Variants in C6 observed in about 807,000 individuals in gnomAD.
C6 encodes complement component C6.
A neutral mutation model predicts 112.9 loss-of-function variants in C6; 101 were observed. The observed-to-expected ratio is 0.89, with a 90% CI of 0.76 to 1.06. The LOEUF (loss-of-function observed/expected upper bound fraction) is 1.06, where lower values mean the gene tolerates loss of function less well. Ranked by LOEUF, C6 falls within the 50% of genes least tolerant of loss-of-function variation. The pLI is 0.00. For missense variants in C6, 1,202 were observed against 1,104.6 expected (o/e 1.09, Z -1.25); for synonymous variants, 431 against 384.1 (o/e 1.12, Z -1.43).
chr5:41,175,229 C>T (rs918062475), intron 8 of C6, among the ~76,000 whole-genome samples: 7 of 152,172 alleles, frequency 4.6e-5, no homozygotes, highest in Admixed American at 1.3e-4. Flanking sequence ...TCAACCCTGG[C>T]GATCAAAGAA....
At chr5:41,191,501 G>T (rs919932942) in intron 5 of C6, among the ~76,000 whole-genome samples, 18 of 152,130 alleles carry the variant, frequency 1.2e-4, no homozygotes, top group Non-Finnish European at 2.2e-4. Flanking sequence ...ATTGCTTCGG[G>T]CAGTTGAGTC....
intron 9 of C6, among the ~76,000 whole-genome samples, chr5:41,162,138 T>C (rs546556994): frequency 6.6e-6 from 1 of 152,292 alleles, no homozygotes; most frequent in Non-Finnish European, 1.5e-5. Flanking sequence ...ATGACAACCC[T>C]GAGAAGTAGG....
chr5:41,209,719 A>T (rs1204652390), intron 1 of C6, among the ~76,000 whole-genome samples: 2 of 152,250 alleles, frequency 1.3e-5, no homozygotes, highest in East Asian at 3.9e-4. Flanking sequence ...ATAAAAGAGG[A>T]CACAAACAAA....
At chr5:41,232,548 G>A (rs970505698) in intron 1 of C6, among the ~76,000 whole-genome samples, 1 of 152,102 alleles carries the variant, frequency 6.6e-6, no homozygotes, top group East Asian at 1.9e-4. Context: ...TATCCTGTCA[G>A]TCAGAATCAG....
chr5:41,239,115 T>TG (rs1245562887), intron 1 of C6, among the ~76,000 whole-genome samples: 1 of 146,152 alleles, frequency 6.8e-6, no homozygotes, highest in African/African-American at 2.5e-5. Flanking sequence ...TTCTTTCTTT[T>TG]TTTTTTTTTT....
chr5:41,180,200 A>T (rs2150319978), intron 7 of C6, among the ~76,000 whole-genome samples: 1 of 152,298 alleles, frequency 6.6e-6, no homozygotes, highest in South Asian at 2.1e-4. Flanking sequence ...ATACGATAAA[A>T]GTAGGAGCAA....
chr5:41,206,520 GA>G (rs747322534), intron 1 of C6, among the ~76,000 whole-genome samples: 2 of 152,156 alleles, frequency 1.3e-5, no homozygotes, highest in Non-Finnish European at 2.9e-5. Flanking sequence ...ACAGCATAGA[GA>G]AGACCTTAAA....
At chr5:41,222,177 A>AC (rs1184794116) in intron 1 of C6, among the ~76,000 whole-genome samples, 1 of 150,650 alleles carries the variant, frequency 6.6e-6, no homozygotes, top group African/African-American at 2.5e-5. Flanking sequence ...AAAAAAAAAA[A>AC]CAAAAAAAAG....
chr5:41,189,248 A>G (rs1750012254), intron 5 of C6, among the ~76,000 whole-genome samples: 1 of 152,100 alleles, frequency 6.6e-6, no homozygotes, highest in Non-Finnish European at 1.5e-5. Flanking sequence ...TATAATTACC[A>G]TAAGACCCTG....
chr5:41,199,667 G>A, intron 4 of C6, 101 bp downstream of exon 4: 15 of 1,146,396 alleles, frequency 1.3e-5, no homozygotes, highest in Non-Finnish European at 1.9e-5. Flanking sequence ...AAATGTGGTG[G>A]GATTTCTCTG....
intron 4 of C6, among the ~76,000 whole-genome samples, chr5:41,197,736 G>A (rs1750718735): frequency 6.6e-6 from 1 of 152,096 alleles, no homozygotes; most frequent in East Asian, 1.9e-4. Flanking sequence ...CTTGAGGGAT[G>A]TTTAGGAATA....
chr5:41,225,393 G>A (rs972268748), intron 1 of C6, among the ~76,000 whole-genome samples: 10 of 152,094 alleles, frequency 6.6e-5, no homozygotes, highest in African/African-American at 1.7e-4. Context: ...CAAAGGAAAT[G>A]AACTCATCAT....
chr5:41,228,345 C>T (rs11959860), intron 1 of C6, among the ~76,000 whole-genome samples: 1,534 of 152,038 alleles, frequency 0.01, 34 homozygotes, highest in African/African-American at 0.035. Context: ...TTTATTGGTT[C>T]TAATAATATT....
intron 17 of C6, among the ~76,000 whole-genome samples, chr5:41,145,795 G>A (rs1745766436): frequency 6.6e-6 from 1 of 152,248 alleles, no homozygotes. Context: ...GAAAGACAGG[G>A]GACTATTCCA....
intron 1 of C6, among the ~76,000 whole-genome samples, chr5:41,224,121 A>G (rs1039919086): frequency 1.3e-5 from 2 of 152,174 alleles, no homozygotes; most frequent in Admixed American, 6.6e-5. Context: ...ACATTGTGCA[A>G]TGGCTGAATC....
chr5:41,151,026 T>C (rs970358814), intron 15 of C6, among the ~76,000 whole-genome samples: 1 of 152,110 alleles, frequency 6.6e-6, no homozygotes, highest in African/African-American at 2.4e-5. Flanking sequence ...GGGAGGCTAA[T>C]AGGGTCTTTG....
intron 1 of C6, among the ~76,000 whole-genome samples, chr5:41,235,492 T>A (rs904212137): frequency 7.0e-6 from 1 of 143,028 alleles, no homozygotes; most frequent in African/African-American, 2.7e-5. Context: ...GACATTTGGG[T>A]TGGTTCCAAG....
intron 5 of C6, 169 bp from the exon 6 acceptor site, chr5:41,186,377 C>T: frequency 2.9e-6 from 2 of 680,418 alleles, no homozygotes; most frequent in Non-Finnish European, 5.0e-6. Flanking sequence ...GTGAGGCATG[C>T]AAGGAAGCTG....
At chr5:41,233,945 G>A (rs866581191) in intron 1 of C6, among the ~76,000 whole-genome samples, 6 of 151,874 alleles carry the variant, frequency 4.0e-5, no homozygotes, top group Admixed American at 1.3e-4. Flanking sequence ...ATCAAATATC[G>A]CTTAAATGAT....
Sources: gnomAD v4.1 joint callset for allele counts (sites outside exome capture counted in the v4.1 genomes callset) on GRCh38, gnomAD v4.1.1 for gene constraint, MANE v1.5 for transcripts, NCBI Gene and HGNC (gene_info 2026-07-23, HGNC 2026-07-21) for gene names.